DYRK1A: variants seen among roughly 807,000 people sequenced by gnomAD.
The protein encoded by DYRK1A is dual specificity tyrosine phosphorylation regulated kinase 1A.
DYRK1A carries 9 observed loss-of-function variants against 79.7 expected under a neutral mutation model. The ratio of observed to expected loss-of-function variants is 0.11; its 90% CI spans 0.07 to 0.20. The LOEUF is 0.20. Ranked by LOEUF, DYRK1A falls within the 10% of genes least tolerant of loss-of-function variation. The pLI is 1.00. For synonymous variants in DYRK1A, 349 were observed against 329.7 expected (o/e 1.06, Z -0.63); for missense variants, 622 against 956.0 (o/e 0.65, Z 4.61).
At chr21:37,477,362 C>A (rs1384077049) in intron 3 of DYRK1A, among the ~76,000 whole-genome samples, 1 of 152,128 alleles carries the variant, frequency 6.6e-6, no homozygotes, top group African/African-American at 2.4e-5. Context: ...TGCAAGAACC[C>A]CCATTGGGAA....
chr21:37,483,566 T>TG (rs2052735919), intron 5 of DYRK1A, among the ~76,000 whole-genome samples: 2 of 152,046 alleles, frequency 1.3e-5, no homozygotes, highest in African/African-American at 4.8e-5. Flanking sequence ...GGGAGTCCTT[T>TG]TTTTTGTTTT....
At chr21:37,499,355 C>T (rs576654251) in intron 9 of DYRK1A, among the ~76,000 whole-genome samples, 8 of 152,324 alleles carry the variant, frequency 5.3e-5, no homozygotes, top group Non-Finnish European at 8.8e-5. Context: ...GTAGTTACAG[C>T]AGCATTTGCT....
intron 1 of DYRK1A, among the ~76,000 whole-genome samples, chr21:37,391,458 T>A (rs1032379316): frequency 6.6e-6 from 1 of 152,242 alleles, no homozygotes; most frequent in Non-Finnish European, 1.5e-5. Flanking sequence ...AACTACTGAT[T>A]TTAGGTGAGT....
intron 1 of DYRK1A, among the ~76,000 whole-genome samples, chr21:37,368,449 TGA>T (rs2049362424): frequency 6.6e-6 from 1 of 152,218 alleles, no homozygotes; most frequent in African/African-American, 2.4e-5. Flanking sequence ...GTAAAATTAG[TGA>T]GTCAGTGACT....
At chr21:37,434,846 T>A (rs1050387271) in intron 2 of DYRK1A, among the ~76,000 whole-genome samples, 5 of 152,214 alleles carry the variant, frequency 3.3e-5, no homozygotes, top group African/African-American at 1.2e-4. Context: ...AGAATAAACA[T>A]GCTTTGTGTG....
chr21:37,504,158 T>G (rs564799799), intron 9 of DYRK1A: 1 of 152,252 alleles, frequency 6.6e-6, no homozygotes, highest in African/African-American at 2.4e-5. Context: ...TGTTTTGAGC[T>G]GGGATCAGGA....
rs971018859 is a variant in DYRK1A at position 37,387,331 on chromosome 21, T to G, written c.-77+19703T>G. ...GGTAAAATCAATATTCCATGCTTAA[T>G]TATGACTAAGTTTTGTTCACCATAA... On this transcript the variant is annotated intron_variant, in intron 1 of 11. Transcript: ENST00000647188. Among the ~76,000 whole-genome samples, 62 of 152,348 alleles carry G rather than the reference T, an allele frequency of 4.1e-4. 1 individual carries two copies. The highest frequency in any genetic ancestry group is 1.2e-3 in the African/African-American group (48 of 41,582).
intron 1 of DYRK1A, among the ~76,000 whole-genome samples, chr21:37,403,692 TG>T (rs2050100094): frequency 1.4e-5 from 2 of 145,436 alleles, no homozygotes; most frequent in African/African-American, 5.2e-5. Flanking sequence ...TGTGTGTGTG[TG>T]TGTGTGTTCA....
At position 37,512,897 on chromosome 21, in the gene DYRK1A, A is replaced by G. The variant is rs2053796488; in HGVS notation, c.*366A>G. 1 of 172,676 alleles carries G rather than the reference A, an allele frequency of 5.8e-6. No homozygotes were observed. Among genetic ancestry groups the G allele is most frequent in the Admixed American group, 5.9e-5 (1 of 16,978 alleles). The allele number at this position is 172,676 out of a possible 1,614,324, so 10.7% of individuals were successfully genotyped here. A position where few individuals can be genotyped will look rare whatever the true frequency, so the allele number is the denominator to read the frequency against. On this transcript the variant is annotated 3_prime_UTR_variant, in exon 12 of 12. Transcript: ENST00000647188. ...TTTTAAAGTAAAAGGCACTGCACAT[A>G]ATTTGCATAAAGGGCCCCATGAGGG...
chr21:37,499,439 T>C (rs960814379), intron 9 of DYRK1A, among the ~76,000 whole-genome samples: 2 of 152,226 alleles, frequency 1.3e-5, no homozygotes, highest in Non-Finnish European at 2.9e-5. Context: ...ATTTTTAGAA[T>C]CAGCTTGTAA....
At chr21:37,502,530 T>C (rs2053480714) in intron 9 of DYRK1A, 2 of 152,356 alleles carry the variant, frequency 1.3e-5, no homozygotes, top group South Asian at 2.1e-4. Context: ...TGTGATTCTA[T>C]CTACCTCTTG....
At chr21:37,433,044 A>AATATAT (rs1555964567) in intron 2 of DYRK1A, among the ~76,000 whole-genome samples, 4 of 140,482 alleles carry the variant, frequency 2.8e-5, no homozygotes, top group South Asian at 2.2e-4. Flanking sequence ...AGGAATTCTA[A>AATATAT]ATATATATAT....
chr21:37,507,668 C>A (rs1449384567), intron 11 of DYRK1A, among the ~76,000 whole-genome samples: 1 of 117,346 alleles, frequency 8.5e-6, no homozygotes, highest in Non-Finnish European at 1.7e-5. Flanking sequence ...TCCCTCCCCC[C>A]ACCCCTTTTC....
At chr21:37,501,079 C>T (rs1282983623) in intron 9 of DYRK1A, among the ~76,000 whole-genome samples, 1 of 149,936 alleles carries the variant, frequency 6.7e-6, no homozygotes, top group Non-Finnish European at 1.5e-5. Context: ...CTCTTTGCTA[C>T]TATAGAATTT....
intron 2 of DYRK1A, among the ~76,000 whole-genome samples, chr21:37,447,650 G>A (rs1463442075): frequency 1.3e-5 from 2 of 152,182 alleles, no homozygotes; most frequent in Admixed American, 1.3e-4. Flanking sequence ...TCAGGATGTA[G>A]CAAGCATTGT....
chr21:37,433,658 T>G (rs1051381397), intron 2 of DYRK1A, among the ~76,000 whole-genome samples: 2 of 152,220 alleles, frequency 1.3e-5, no homozygotes, highest in African/African-American at 4.8e-5. Flanking sequence ...TACTTTGGTT[T>G]CGACAGTGAT....
At position 37,523,922 on chromosome 21, in the gene DYRK1A, C is replaced by T. The variant is rs1248428442; in HGVS notation, c.*11391C>T. 6.6e-6 allele frequency: 1 copy of T among 152,196 alleles called. No homozygotes were observed. Among genetic ancestry groups the T allele is most frequent in the African/African-American group, 2.4e-5 (1 of 41,444 alleles). The allele number at this position is 152,196 out of a possible 1,614,324, so 9.4% of individuals were successfully genotyped here. The stretch of plus-strand genomic sequence containing the variant: ...GTGGCATTCTCATCATTTTGCCCTG[C>T]CGCTCTGTGCAATGTAAATTGCAGT... On this transcript the variant is annotated 3_prime_UTR_variant, in exon 12 of 12. Coordinates refer to ENST00000647188, the MANE Select transcript of DYRK1A (RefSeq NM_001347721.2).
chr21:37,390,885 A>G (rs1206067475), intron 1 of DYRK1A, among the ~76,000 whole-genome samples: 3 of 152,018 alleles, frequency 2.0e-5, no homozygotes, highest in Non-Finnish European at 2.9e-5. Context: ...CTGTTTTTCA[A>G]CTGTCCTGAT....
At chr21:37,467,302 T>C (rs2052064180) in intron 2 of DYRK1A, among the ~76,000 whole-genome samples, 2 of 152,216 alleles carry the variant, frequency 1.3e-5, no homozygotes, top group South Asian at 4.1e-4. Context: ...CAATCATGGC[T>C]CACTGCACCC....
Sources: gnomAD v4.1 joint callset for allele counts (sites outside exome capture counted in the v4.1 genomes callset) on GRCh38, gnomAD v4.1.1 for gene constraint, MANE v1.5 for transcripts, NCBI Gene and HGNC (gene_info 2026-07-23, HGNC 2026-07-21) for gene names.